Variants in HDAC9 observed in about 807,000 individuals in gnomAD.
HDAC9 encodes the protein MEF-2 interacting transcription repressor (MITR) protein.
HDAC9 carries 41 observed loss-of-function variants against 139.4 expected under a neutral mutation model. The observed-to-expected ratio is 0.29, with a 90% CI of 0.23 to 0.38. The LOEUF (loss-of-function observed/expected upper bound fraction) is 0.38, where lower values mean the gene tolerates loss of function less well. Ranked by LOEUF, HDAC9 falls within the 10% of genes least tolerant of loss-of-function variation. The pLI is 1.00. For synonymous variants in HDAC9, 517 were observed against 476.2 expected (o/e 1.09, Z -1.12); for missense variants, 1,147 against 1,297.0 (o/e 0.88, Z 1.78).
At chr7:18,974,111 AAC>A (rs1784413731) in intron 24 of HDAC9, among the ~76,000 whole-genome samples, 1 of 152,066 alleles carries the variant, frequency 6.6e-6, no homozygotes, top group Non-Finnish European at 1.5e-5. Context: ...CACCCAGTAA[AAC>A]ACAGAGACTC....
At position 18,549,431 on chromosome 7, in the gene HDAC9, A is replaced by C. The variant is rs542758375; in HGVS notation, c.23-35850A>C. On this transcript the variant is annotated intron_variant, in intron 2 of 25. Transcript: ENST00000686413. The stretch of plus-strand genomic sequence containing the variant: ...TCCCTCAATAGCTGAATAGTTAAAC[A>C]AACTGTGTGGTACATCCATGCCATG... Among the ~76,000 whole-genome samples, 3 of 152,338 alleles carry C rather than the reference A, an allele frequency of 2.0e-5. No individual in the cohort carries two copies. In the South Asian group the frequency reaches 6.2e-4, roughly 32 times the overall value.
At chr7:18,348,522 T>C (rs1782598230) in intron 1 of HDAC9, among the ~76,000 whole-genome samples, 1 of 152,174 alleles carries the variant, frequency 6.6e-6, no homozygotes, top group Non-Finnish European at 1.5e-5. Flanking sequence ...AGGCATCTAT[T>C]ATACTGTAGG....
intron 23 of HDAC9, among the ~76,000 whole-genome samples, chr7:18,939,384 G>T (rs539194718): frequency 4.5e-4 from 69 of 152,074 alleles, no homozygotes; most frequent in African/African-American, 1.6e-3. Context: ...TTAAGAAAAA[G>T]AAAGATTATT....
intron 6 of HDAC9, among the ~76,000 whole-genome samples, chr7:18,625,495 C>G (rs1167792943): frequency 2.0e-5 from 3 of 152,116 alleles, no homozygotes; most frequent in African/African-American, 7.2e-5. Context: ...TGGCCTGTAC[C>G]CATACCAGAT....
intron 23 of HDAC9, among the ~76,000 whole-genome samples, chr7:18,938,248 A>T (rs1781785591): frequency 2.0e-5 from 3 of 151,160 alleles, no homozygotes; most frequent in African/African-American, 7.3e-5. Flanking sequence ...AAAAAAAAAA[A>T]AAAAAATTGA....
At chr7:18,880,512 T>C (rs1799655579) in intron 22 of HDAC9, among the ~76,000 whole-genome samples, 1 of 152,114 alleles carries the variant, frequency 6.6e-6, no homozygotes, top group Non-Finnish European at 1.5e-5. Context: ...GAATCATGGA[T>C]GGAGCTGGAG....
intron 22 of HDAC9, among the ~76,000 whole-genome samples, chr7:18,896,777 T>C (rs1453067168): frequency 1.3e-5 from 2 of 152,098 alleles, no homozygotes; most frequent in African/African-American, 4.8e-5. Context: ...ACGCCACTCC[T>C]GTGGACCTGG....
At chr7:18,804,734 AC>A (rs1189146886) in intron 17 of HDAC9, among the ~76,000 whole-genome samples, 1 of 152,210 alleles carries the variant, frequency 6.6e-6, no homozygotes, top group African/African-American at 2.4e-5. Flanking sequence ...CAATTATCTT[AC>A]CTAATCCAGT....
At chr7:18,775,684 G>A (rs1280442734) in intron 16 of HDAC9, among the ~76,000 whole-genome samples, 4 of 146,558 alleles carry the variant, frequency 2.7e-5, no homozygotes, top group African/African-American at 5.0e-5. Context: ...CTTATGTTGT[G>A]TTTTTTTTTT....
At chr7:18,358,356 G>GT (rs922160613) in intron 1 of HDAC9, among the ~76,000 whole-genome samples, 5 of 152,218 alleles carry the variant, frequency 3.3e-5, no homozygotes, top group East Asian at 1.9e-4. Flanking sequence ...AGAAGAAACA[G>GT]TTTTTTTTCC....
chr7:18,531,732 A>C (rs181642321), intron 2 of HDAC9, among the ~76,000 whole-genome samples: 1 of 152,174 alleles, frequency 6.6e-6, no homozygotes, highest in East Asian at 1.9e-4. Context: ...TTCGGCCTCT[A>C]ATGTGCTTGT....
At chr7:18,129,553 T>G (rs17138639) in intron 1 of HDAC9, among the ~76,000 whole-genome samples, 24,762 of 152,178 alleles carry the variant, frequency 0.16, 2,442 homozygotes, top group South Asian at 0.35. Context: ...TAATACAATA[T>G]TAAAACCTGA....
rs181715971 is a variant in HDAC9, at chr7:18,787,037, G to A, written c.2215-6308G>A. On this transcript the variant is annotated intron_variant, in intron 16 of 25. Transcript: ENST00000686413. ...TCAAATTGATACCAAAGTGTTCTAC[G>A]TAATTCTCATGTTTTTAGAGGGTTT... is the stretch of plus-strand genomic sequence containing the variant. 6.2e-4 allele frequency among the ~76,000 whole-genome samples: 95 copies of A among 152,118 alleles called. 1 individual carries two copies. The highest frequency in any genetic ancestry group is 1.8e-3 in the African/African-American group (73 of 41,488).
rs1003331806 is a variant in HDAC9 at position 18,149,559 on chromosome 7, A to AT, written c.-96-12661dup. On this transcript the variant is annotated intron_variant, in intron 1 of 12. Coordinates refer to the HDAC9 transcript ENST00000417496. ...TATTTATTATTTATTATTTATTATT[A>AT]TTTTTTTTTGAGACAGAGTCTCAGT... Among the ~76,000 whole-genome samples the AT allele has an allele frequency of 4.8e-4, 71 of 148,558 alleles. 1 individual carries two copies. Among genetic ancestry groups the AT allele is most frequent in the African/African-American group, 1.4e-3 (56 of 40,726 alleles).
intron 2 of HDAC9, among the ~76,000 whole-genome samples, chr7:18,532,285 C>T (rs181879672): frequency 2.0e-5 from 3 of 152,026 alleles, no homozygotes; most frequent in African/African-American, 7.2e-5. Flanking sequence ...AACAAAAAAC[C>T]ACAAAGAATT....
At chr7:18,137,182 T>C (rs1291820495) in intron 1 of HDAC9, among the ~76,000 whole-genome samples, 2 of 132,446 alleles carry the variant, frequency 1.5e-5, no homozygotes, top group Non-Finnish European at 3.2e-5. Flanking sequence ...TGAAGTTGCT[T>C]ATCAGCTTAA....
intron 13 of HDAC9, among the ~76,000 whole-genome samples, chr7:18,729,644 TCAAA>T (rs1413048746): frequency 1.3e-5 from 2 of 151,616 alleles, no homozygotes; most frequent in African/African-American, 4.9e-5. Flanking sequence ...CCCTGATCAT[TCAAA>T]CAAAGACTAG....
chr7:18,569,224 A>G (rs1823462894), intron 2 of HDAC9, among the ~76,000 whole-genome samples: 1 of 152,242 alleles, frequency 6.6e-6, no homozygotes, highest in Admixed American at 6.5e-5. Context: ...ACAGTAAGTC[A>G]ATGAATGAGA....
intron 25 of HDAC9, among the ~76,000 whole-genome samples, chr7:18,995,548 G>C (rs1786396501): frequency 6.6e-6 from 1 of 152,186 alleles, no homozygotes; most frequent in African/African-American, 2.4e-5. Context: ...TTCAGAATTT[G>C]ATTTGAAATG....
Sources: gnomAD v4.1 joint callset for allele counts (sites outside exome capture counted in the v4.1 genomes callset) on GRCh38, gnomAD v4.1.1 for gene constraint, MANE v1.5 for transcripts, NCBI Gene and HGNC (gene_info 2026-07-23, HGNC 2026-07-21) for gene names.